CFAP20DC: variants seen among roughly 807,000 people sequenced by gnomAD.
CFAP20DC encodes CFAP20 domain containing, also known as protein CFAP20DC.
CFAP20DC carries 84 observed loss-of-function variants against 101.7 expected under a neutral mutation model. That is an observed-to-expected ratio of 0.83 (90% CI 0.69 to 0.99). The LOEUF is 0.99. Among genes scored for constraint, CFAP20DC ranks in the 50% least tolerant of loss-of-function variants. CFAP20DC has a pLI of 0.00. For missense variants in CFAP20DC, 1,007 were observed against 970.3 expected, an observed-to-expected ratio of 1.04 and a Z score of -0.50; for synonymous variants, 359 against 351.2, an observed-to-expected ratio of 1.02 and a Z score of -0.25.
intron 12 of CFAP20DC, chr3:58,862,256 A>G (rs1017347783): frequency 6.1e-6 from 6 of 985,288 alleles, no homozygotes; most frequent in Non-Finnish European, 7.2e-6. Flanking sequence ...TCTATTCATA[A>G]AATGAACTGA....
In CFAP20DC at chr3:58,793,680, GATATT is replaced by G. The variant is rs2073029604; in HGVS notation, c.2237+12710_2237+12714del. ...ACCCTTACTAAGGTGTCAAGGAAAA[GATATT>G]CTTTTGGTAGTTTAGAGATGAGCTG... On this transcript the variant is annotated intron_variant, in intron 15 of 16. Coordinates refer to ENST00000482387, the MANE Select transcript of CFAP20DC (RefSeq NM_001394063.1). 2.6e-5 allele frequency among the ~76,000 whole-genome samples: 4 copies of G among 152,246 alleles called. No homozygotes were observed. In the East Asian group the frequency reaches 7.7e-4, roughly 29 times the overall value.
intron 4 of CFAP20DC, among the ~76,000 whole-genome samples, chr3:58,981,177 C>G (rs2092524814): frequency 6.6e-6 from 1 of 152,150 alleles, no homozygotes; most frequent in African/African-American, 2.4e-5. Flanking sequence ...TTAAGGAGAA[C>G]TACAAACCAC....
At chr3:58,806,763 A>G (rs6786762) in intron 14 of CFAP20DC, among the ~76,000 whole-genome samples, 18,291 of 152,244 alleles carry the variant, frequency 0.12, 1,984 homozygotes, top group East Asian at 0.35. Flanking sequence ...AGCAGGGCGA[A>G]GCATTGCCTC....
At chr3:58,767,990 C>T (rs1302973184) in intron 15 of CFAP20DC, among the ~76,000 whole-genome samples, 1 of 152,166 alleles carries the variant, frequency 6.6e-6, no homozygotes, top group Non-Finnish European at 1.5e-5. Context: ...TGCGTTTCTC[C>T]TACCCTTACC....
intron 4 of CFAP20DC, among the ~76,000 whole-genome samples, chr3:58,947,776 G>A (rs1213736989): frequency 6.6e-6 from 1 of 152,154 alleles, no homozygotes; most frequent in Non-Finnish European, 1.5e-5. Flanking sequence ...TCATGAAGCA[G>A]GAGTGAGGGA....
intron 4 of CFAP20DC, among the ~76,000 whole-genome samples, chr3:59,028,613 G>A (rs116593717): frequency 9.9e-4 from 150 of 152,278 alleles, no homozygotes; most frequent in African/African-American, 3.5e-3. Context: ...AGGGAGTAGA[G>A]AGCACAGGTT....
chr3:58,859,460 C>T lies in CFAP20DC; in HGVS notation c.1593+4098G>A, dbSNP rs561659512. On this transcript the variant is annotated intron_variant, in intron 12 of 16. Coordinates refer to ENST00000482387, the MANE Select transcript of CFAP20DC (RefSeq NM_001394063.1). This position sits in a 1 kb window ranked among gnomAD's most constrained non-coding sequence, Gnocchi z 4.1. ...AAGCAAATGCTTATCTGCAAGATGT[C>T]TATCATTTAGCAAAAATGGTAGAAT... 1.3e-5 allele frequency among the ~76,000 whole-genome samples: 2 copies of T among 152,290 alleles called. No individual in the cohort carries two copies. The highest frequency in any genetic ancestry group is 3.9e-4 in the East Asian group (2 of 5,186).
intron 13 of CFAP20DC, among the ~76,000 whole-genome samples, chr3:58,838,388 A>T (rs2076881481): frequency 6.6e-6 from 1 of 152,186 alleles, no homozygotes. Flanking sequence ...TAAGCATTTT[A>T]GCATGCGACC....
chr3:58,876,464 A>C (rs2080763585), intron 7 of CFAP20DC, among the ~76,000 whole-genome samples: 1 of 152,104 alleles, frequency 6.6e-6, no homozygotes, highest in African/African-American at 2.4e-5. Context: ...AGCTGATATC[A>C]ATATGCATAA....
intron 4 of CFAP20DC, among the ~76,000 whole-genome samples, chr3:58,989,434 C>T (rs2092860566): frequency 6.6e-6 from 1 of 152,046 alleles, no homozygotes; most frequent in African/African-American, 2.4e-5. Context: ...TTACTCATTT[C>T]CTGTTTTTAA....
intron 6 of CFAP20DC, among the ~76,000 whole-genome samples, chr3:58,889,968 G>A (rs868375329): frequency 1.4e-3 from 190 of 138,096 alleles, no homozygotes; most frequent in African/African-American, 4.8e-3. Context: ...ACACAGACAC[G>A]GCAACCATCC....
intron 6 of CFAP20DC, among the ~76,000 whole-genome samples, chr3:58,907,093 T>TCGTGTG (rs2083667876): frequency 6.9e-6 from 1 of 145,506 alleles, no homozygotes; most frequent in African/African-American, 2.7e-5. Context: ...ACTTTGTGCC[T>TCGTGTG]CGTGTGTGTG....
intron 14 of CFAP20DC, among the ~76,000 whole-genome samples, chr3:58,810,944 C>T (rs1278087779): frequency 3.3e-5 from 5 of 152,042 alleles, no homozygotes; most frequent in South Asian, 2.1e-4. Flanking sequence ...TGAGTGAACT[C>T]CCATGCACAA....
chr3:59,006,840 G>A lies in CFAP20DC; in HGVS notation c.278+32717C>T, dbSNP rs958584358. ...CAGAATCTGGGTGGGGAGCAAATGG[G>A]AACTGTTACAGATGCAAACACAGGA... is the stretch of plus-strand genomic sequence containing the variant. On this transcript the variant is annotated intron_variant, in intron 4 of 16. Transcript: ENST00000482387. This position sits in a 1 kb window ranked among gnomAD's most constrained non-coding sequence, Gnocchi z 4.3. Among the ~76,000 whole-genome samples the A allele has an allele frequency of 1.3e-5, 2 of 152,184 alleles. No individual in the cohort carries two copies. Among genetic ancestry groups the A allele is most frequent in the African/African-American group, 4.8e-5 (2 of 41,442 alleles).
intron 4 of CFAP20DC, among the ~76,000 whole-genome samples, chr3:58,988,061 G>GAA (rs2092810651): frequency 6.6e-6 from 1 of 151,994 alleles, no homozygotes; most frequent in Non-Finnish European, 1.5e-5. Context: ...ATAAAGGAAA[G>GAA]AAAACTCAGT....
At position 58,999,865 on chromosome 3, in the gene CFAP20DC, A is replaced by C. The variant is rs1032791980; in HGVS notation, c.278+39692T>G. Among the ~76,000 whole-genome samples, 3 of 151,212 alleles carry C rather than the reference A, an allele frequency of 2.0e-5. No individual in the cohort carries two copies. The East Asian group carries it at 5.8e-4, about 29-fold the overall frequency. On this transcript the variant is annotated intron_variant, in intron 4 of 16. Transcript: ENST00000482387. Reference sequence around the variant, plus strand: ...ATGTAAAAAAAAAAAAAAAAAAAAAAAAGAACCTGACAGAGCACGGGAAGG... The same window carrying C: ...ATGTAAAAAAAAAAAAAAAAAAAAACAAGAACCTGACAGAGCACGGGAAGG...
intron 4 of CFAP20DC, among the ~76,000 whole-genome samples, chr3:59,009,343 G>C (rs2093523802): frequency 6.6e-6 from 1 of 151,910 alleles, no homozygotes; most frequent in South Asian, 2.1e-4. Context: ...TGAATTGCCA[G>C]ATAAAAAATT....
chr3:58,856,313 CAT>C lies in CFAP20DC; in HGVS notation c.1594-6906_1594-6905del, dbSNP rs1553697763. Among the ~76,000 whole-genome samples the C allele has an allele frequency of 2.6e-3, 346 of 131,582 alleles. 3 individuals are homozygous for C. The highest frequency in any genetic ancestry group is 0.012 in the African/African-American group (327 of 27,936). 86.3% of individuals were successfully genotyped at this position (131,582 alleles called of 152,430 possible). The stretch of plus-strand genomic sequence containing the variant: ...ACACACACACACACACACACACACA[CAT>C]AACTGATGGAGATACTTATCTTTCA... On this transcript the variant is annotated intron_variant, in intron 12 of 16. Coordinates refer to ENST00000482387, the MANE Select transcript of CFAP20DC (RefSeq NM_001394063.1).
In CFAP20DC at chr3:58,970,035, A is replaced by T. The variant is rs79447178; in HGVS notation, c.279-32273T>A. On this transcript the variant is annotated intron_variant, in intron 4 of 16. Transcript: ENST00000482387. The stretch of plus-strand genomic sequence containing the variant: ...TGATATGTGGATTATAACTGAATTT[A>T]AAAAAGCTATTACTAGTTTAGTCAT... Among the ~76,000 whole-genome samples, 839 of 152,330 alleles carry T rather than the reference A, an allele frequency of 5.5e-3. 8 individuals are homozygous for T. The highest frequency in any genetic ancestry group is 0.019 in the African/African-American group (805 of 41,578).
Sources: gnomAD v4.1 joint callset for allele counts (sites outside exome capture counted in the v4.1 genomes callset) on GRCh38, gnomAD v4.1.1 for gene constraint, Gnocchi (gnomAD v3.1) non-coding constraint, MANE v1.5 for transcripts, NCBI Gene and HGNC (gene_info 2026-07-23, HGNC 2026-07-21) for gene names.